Variants in ARHGAP20 observed in about 807,000 individuals in gnomAD.
ARHGAP20 encodes the protein Rho GTPase activating protein 20, also known as rho GTPase-activating protein 20.
Under a neutral mutation model 73.7 loss-of-function variants are expected in ARHGAP20, and 34 were observed. The ratio of observed to expected loss-of-function variants is 0.46; its 90% CI spans 0.35 to 0.61. The LOEUF (loss-of-function observed/expected upper bound fraction) is 0.61, where lower values mean the gene tolerates loss of function less well. ARHGAP20 is among the 20% of genes least tolerant of loss of function. The probability of loss-of-function intolerance (pLI) is 0.00; values close to 1 mark genes in which losing one functional copy is unlikely to be tolerated. For missense variants in ARHGAP20, 1,314 were observed against 1,420.9 expected (o/e 0.92, Z 1.21); for synonymous variants, 523 against 518.2 (o/e 1.01, Z -0.13).
chr11:110,675,308 A>G (rs538137439), intron 2 of ARHGAP20, among the ~76,000 whole-genome samples: 1 of 152,258 alleles, frequency 6.6e-6, no homozygotes, highest in South Asian at 2.1e-4. Flanking sequence ...GTCCTTATTT[A>G]CTGTATTGGC....
At chr11:110,712,541 C>G (rs1565491954), upstream of ARHGAP20, 1 of 153,300 alleles carries the variant, frequency 6.5e-6, no homozygotes, top group African/African-American at 2.4e-5. Context: ...CTCCTCAGCC[C>G]TCCTCCAGCC....
intron 5 of ARHGAP20, 151 bp downstream of exon 5, chr11:110,615,402 A>C: frequency 1.7e-6 from 1 of 601,646 alleles, no homozygotes; most frequent in Non-Finnish European, 2.9e-6. Flanking sequence ...GTAAGTAGCT[A>C]GTGTACGATA....
chr11:110,670,185 C>G (rs1441938355), intron 2 of ARHGAP20, among the ~76,000 whole-genome samples: 1 of 152,184 alleles, frequency 6.6e-6, no homozygotes, highest in East Asian at 1.9e-4. Context: ...CAAAATCACA[C>G]ACTTTATGTG....
At chr11:110,649,429 C>A (rs1949301226) in intron 2 of ARHGAP20, among the ~76,000 whole-genome samples, 1 of 151,720 alleles carries the variant, frequency 6.6e-6, no homozygotes, top group Non-Finnish European at 1.5e-5. Context: ...AAGTTGACTG[C>A]CATCAATATG....
chr11:110,592,843 T>A (rs1947862617), intron 9 of ARHGAP20, among the ~76,000 whole-genome samples: 1 of 152,216 alleles, frequency 6.6e-6, no homozygotes, highest in Admixed American at 6.5e-5. Flanking sequence ...TGTAGACTTT[T>A]ATGTTTCTTT....
intron 9 of ARHGAP20, 101 bp from the exon 10 acceptor site, chr11:110,592,256 G>A: frequency 9.0e-7 from 1 of 1,105,064 alleles, no homozygotes. Flanking sequence ...GGCTCAAAGA[G>A]AAAAAGATGC....
intron 2 of ARHGAP20, among the ~76,000 whole-genome samples, chr11:110,653,676 C>T (rs549181926): frequency 6.6e-6 from 1 of 152,254 alleles, no homozygotes; most frequent in East Asian, 1.9e-4. Context: ...ATTCCTCAAA[C>T]ACCTAGAACC....
intron 2 of ARHGAP20, among the ~76,000 whole-genome samples, chr11:110,667,308 C>T (rs1949742247): frequency 6.6e-6 from 1 of 152,182 alleles, no homozygotes; most frequent in Non-Finnish European, 1.5e-5. Flanking sequence ...GAAGCCAATG[C>T]TTATTTACCA....
intron 1 of ARHGAP20, among the ~76,000 whole-genome samples, chr11:110,701,250 G>T (rs1176867275): frequency 2.6e-5 from 4 of 151,594 alleles, no homozygotes; most frequent in African/African-American, 9.8e-5. Context: ...AGCACCTGTT[G>T]TTTCCTGACT....
chr11:110,610,687 C>T (rs1466905871), intron 7 of ARHGAP20, among the ~76,000 whole-genome samples: 1 of 152,044 alleles, frequency 6.6e-6, no homozygotes, highest in Non-Finnish European at 1.5e-5. Context: ...ACCTCTATCG[C>T]AGAAAACAGA....
At position 110,580,017 on chromosome 11, in the gene ARHGAP20, A is replaced by C; in HGVS notation, c.2929T>G (p.Cys977Gly). ...TPTETSSPIDCTFQAQRKRED... is the reference protein window; with the variant it reads ...TPTETSSPIDGTFQAQRKRED... ...CGTTTTCTCTGAGCCTGAAAAGTGC[A>C]ATCTATTGGAGAGGAAGTCTCAGTG... is the stretch of plus-strand genomic sequence containing the variant. The change falls in exon 15 of 15, where the codon TGC becomes GGC. Residue 977 changes from cysteine (C) to glycine (G), a missense_variant. Transcript: ENST00000683387. 6.2e-7 allele frequency: 1 copy of C among 1,614,192 alleles called. No individual in the cohort carries two copies. Among genetic ancestry groups the C allele is most frequent in the Non-Finnish European group, 8.5e-7 (1 of 1,180,040 alleles).
chr11:110,659,798 G>C (rs1470126112), intron 2 of ARHGAP20, among the ~76,000 whole-genome samples: 1 of 151,262 alleles, frequency 6.6e-6, no homozygotes, highest in Non-Finnish European at 1.5e-5. Context: ...GTAAACTATC[G>C]CAAGAACAAA....
At chr11:110,642,465 A>G (rs1949097175) in intron 2 of ARHGAP20, among the ~76,000 whole-genome samples, 1 of 152,106 alleles carries the variant, frequency 6.6e-6, no homozygotes, top group African/African-American at 2.4e-5. Context: ...TATTCCTTTG[A>G]TACCGAGCTT....
At position 110,581,188 on chromosome 11, in the gene ARHGAP20, G is replaced by A. The variant is rs139409818; in HGVS notation, c.1758C>T (p.Asp586=). 142 of 1,613,342 alleles carry A rather than the reference G, an allele frequency of 8.8e-5. No homozygotes were observed. The African/African-American group carries it at 1.6e-3, about 18-fold the overall frequency. Residue 586 remains aspartate, a synonymous_variant, in exon 15 of 15, where the codon GAC becomes GAT. Coordinates refer to ENST00000683387, the MANE Select transcript of ARHGAP20 (RefSeq NM_001384657.1). ...SCFQLNDSSY[D]SLENELNEDV... ...CCTCATTTAGCTCATTTTCCAAGCT[G>A]TCATAGGAGGAGTCATTCAGTTGAA... is the stretch of plus-strand genomic sequence containing the variant.
chr11:110,699,548 TGTA>T lies in ARHGAP20; in HGVS notation c.106-8922_106-8920del, dbSNP rs1363506541. Among the ~76,000 whole-genome samples, 22 of 152,018 alleles carry T rather than the reference TGTA, an allele frequency of 1.4e-4. No homozygotes were observed. In the East Asian group the frequency reaches 4.2e-3, roughly 29 times the overall value. On this transcript the variant is annotated intron_variant, in intron 1 of 14. Transcript: ENST00000683387. Reference sequence around the variant, plus strand: ...GTATTACTATCAATGTTTTCTTAGGTGTAGTAGTATTTGTTTTATGAATCTGGG... The same window carrying T: ...GTATTACTATCAATGTTTTCTTAGGTGTAGTATTTGTTTTATGAATCTGGG...
intron 2 of ARHGAP20, among the ~76,000 whole-genome samples, chr11:110,680,927 A>T (rs1950025772): frequency 6.6e-6 from 1 of 152,202 alleles, no homozygotes; most frequent in African/African-American, 2.4e-5. Context: ...CACCTTATAA[A>T]GCAATTGCTG....
chr11:110,599,998 A>G (rs1433364631), intron 9 of ARHGAP20, among the ~76,000 whole-genome samples: 1 of 152,174 alleles, frequency 6.6e-6, no homozygotes, highest in Non-Finnish European at 1.5e-5. Context: ...TTGATGGGGC[A>G]CCCTGGCTGC....
chr11:110,581,746 T>C (rs1947474696), intron 14 of ARHGAP20, among the ~76,000 whole-genome samples: 1 of 152,322 alleles, frequency 6.6e-6, no homozygotes, highest in East Asian at 1.9e-4. Flanking sequence ...TTCAGTGGCA[T>C]AGAATAATTG....
intron 2 of ARHGAP20, among the ~76,000 whole-genome samples, chr11:110,635,466 T>C (rs1191797509): frequency 2.6e-5 from 4 of 152,260 alleles, no homozygotes; most frequent in Non-Finnish European, 4.4e-5. Flanking sequence ...AGCTCTAACA[T>C]TGTAAAATTC....
Sources: allele counts gnomAD v4.1 joint callset (sites outside exome capture counted in the v4.1 genomes callset), GRCh38; gene constraint gnomAD v4.1.1; transcripts MANE v1.5; gene names NCBI Gene and HGNC (gene_info 2026-07-23, HGNC 2026-07-21).